TMED3: variants seen among roughly 807,000 people sequenced by gnomAD.
The protein encoded by TMED3 is transmembrane p24 trafficking protein 3.
Under a neutral mutation model 15.0 loss-of-function variants are expected in TMED3, and 9 were observed. That is an observed-to-expected ratio of 0.60 (90% CI 0.36 to 1.04). TMED3 has a LOEUF of 1.04. Ranked by LOEUF, TMED3 falls within the 50% of genes least tolerant of loss-of-function variation. The pLI is 0.01. For synonymous variants in TMED3, 117 were observed against 121.4 expected, an observed-to-expected ratio of 0.96 and a Z score of 0.24; for missense variants, 267 against 278.9, an observed-to-expected ratio of 0.96 and a Z score of 0.30.
intron 2 of TMED3, among the ~76,000 whole-genome samples, chr15:79,335,285 C>A (rs2058823142): frequency 7.6e-6 from 1 of 131,534 alleles, no homozygotes; most frequent in Non-Finnish European, 1.7e-5. Context: ...TATTCCTGGG[C>A]TTCTGGGAAA....
chr15:79,353,849 T>C (rs1168530054), intron 2 of TMED3, among the ~76,000 whole-genome samples: 1 of 152,164 alleles, frequency 6.6e-6, no homozygotes, highest in Non-Finnish European at 1.5e-5. Flanking sequence ...TGTTCCCAGA[T>C]TCACACTTTG....
intron 2 of TMED3, among the ~76,000 whole-genome samples, chr15:79,392,771 T>C (rs1893713153): frequency 6.6e-6 from 1 of 152,214 alleles, no homozygotes; most frequent in Non-Finnish European, 1.5e-5. Flanking sequence ...GGCCTTCAGG[T>C]AACATTTTCT....
chr15:79,367,004 A>G (rs1171449379), intron 2 of TMED3, among the ~76,000 whole-genome samples: 2 of 152,204 alleles, frequency 1.3e-5, no homozygotes, highest in Non-Finnish European at 2.9e-5. Context: ...TGTTTTCAAA[A>G]AGCACAGCAC....
chr15:79,409,875 A>G (rs538751445), intron 2 of TMED3, among the ~76,000 whole-genome samples: 2 of 152,252 alleles, frequency 1.3e-5, no homozygotes, highest in East Asian at 3.9e-4. Context: ...TCTGAGCCCA[A>G]TTTTCCTGAA....
At chr15:79,344,971 T>C (rs965645265) in intron 2 of TMED3, among the ~76,000 whole-genome samples, 3 of 152,022 alleles carry the variant, frequency 2.0e-5, no homozygotes, top group Admixed American at 2.0e-4. Context: ...CAGAGCAGCA[T>C]ATGGGAATTT....
downstream of TMED3, among the ~76,000 whole-genome samples, chr15:79,326,555 A>G (rs1567024398): frequency 6.6e-6 from 1 of 152,200 alleles, no homozygotes; most frequent in Non-Finnish European, 1.5e-5. Context: ...ACCCTGCCCA[A>G]CCTTTGTAAA....
intron 2 of TMED3, among the ~76,000 whole-genome samples, chr15:79,330,497 A>T (rs757238772): frequency 2.6e-5 from 4 of 152,200 alleles, no homozygotes; most frequent in Non-Finnish European, 5.9e-5. Context: ...AAATCTCTAC[A>T]AGGAAAACTG....
chr15:79,315,070 T>C (rs2058735053), intron 2 of TMED3, among the ~76,000 whole-genome samples: 1 of 152,114 alleles, frequency 6.6e-6, no homozygotes, highest in South Asian at 2.1e-4. Context: ...GTCTTGAACT[T>C]TCAAGGAGGC....
intron 2 of TMED3, among the ~76,000 whole-genome samples, chr15:79,392,113 C>A (rs912358294): frequency 6.6e-6 from 1 of 152,156 alleles, no homozygotes; most frequent in Admixed American, 6.5e-5. Flanking sequence ...AGGTACCATT[C>A]CACTCATCAT....
At chr15:79,344,550 C>T (rs2058862330) in intron 2 of TMED3, among the ~76,000 whole-genome samples, 1 of 152,142 alleles carries the variant, frequency 6.6e-6, no homozygotes. Context: ...TCTCTCTTTT[C>T]TCTTATAAGG....
At chr15:79,321,397 A>G (rs1179003977) in intron 2 of TMED3, among the ~76,000 whole-genome samples, 1 of 152,218 alleles carries the variant, frequency 6.6e-6, no homozygotes, top group African/African-American at 2.4e-5. Context: ...GCCTGTTTAT[A>G]TATATGTGTC....
intron 2 of TMED3, among the ~76,000 whole-genome samples, chr15:79,371,692 T>C (rs1468467614): frequency 6.6e-6 from 1 of 152,216 alleles, no homozygotes; most frequent in African/African-American, 2.4e-5. Context: ...GTCTTAGGAC[T>C]AGAGGCATCT....
rs1170844841 is a variant in TMED3, at chr15:79,353,327, A to T, written c.417+39322A>T. ...ATATATTATATATATAATATATATAATATATATTATGTATATAAAATATAT... is the reference window on the plus strand; with the variant it reads ...ATATATTATATATATAATATATATATTATATATTATGTATATAAAATATAT... On this transcript the variant is annotated intron_variant, in intron 2 of 2. Transcript: ENST00000424155. Among the ~76,000 whole-genome samples the T allele has an allele frequency of 1.3e-3, 112 of 83,686 alleles. 4 individuals are homozygous for T. Among genetic ancestry groups the T allele is most frequent in the Non-Finnish European group, 2.3e-3 (106 of 45,768 alleles). The allele number at this position is 83,686 out of a possible 152,430, so 54.9% of individuals were successfully genotyped here.
intron 2 of TMED3, among the ~76,000 whole-genome samples, chr15:79,408,814 G>A (rs1893935137): frequency 6.6e-6 from 1 of 152,190 alleles, no homozygotes; most frequent in Non-Finnish European, 1.5e-5. Context: ...GGGCATAGAA[G>A]TACCACATGA....
chr15:79,360,292 T>G, intron 2 of TMED3, among the ~76,000 whole-genome samples: 1 of 152,148 alleles, frequency 6.6e-6, no homozygotes, highest in Non-Finnish European at 1.5e-5. Context: ...GATGGAATCT[T>G]GAGCCATCTT....
intron 2 of TMED3, among the ~76,000 whole-genome samples, chr15:79,362,244 T>C (rs1307933447): frequency 6.6e-6 from 1 of 151,382 alleles, no homozygotes; most frequent in Non-Finnish European, 1.5e-5. Context: ...GGAGGGAGGA[T>C]TGCTTGAATC....
At chr15:79,327,121 C>G (rs2058790203), downstream of TMED3, among the ~76,000 whole-genome samples, 1 of 152,102 alleles carries the variant, frequency 6.6e-6, no homozygotes, top group Non-Finnish European at 1.5e-5. Context: ...GGGATCTGCC[C>G]CCATGGCCCA....
At chr15:79,331,169 C>G (rs944909441) in intron 2 of TMED3, among the ~76,000 whole-genome samples, 8 of 152,136 alleles carry the variant, frequency 5.3e-5, no homozygotes, top group Non-Finnish European at 1.2e-4. Flanking sequence ...AAATCTGCCC[C>G]CATGATCTAA....
At chr15:79,369,041 C>G (rs936662927) in intron 2 of TMED3, among the ~76,000 whole-genome samples, 2 of 151,276 alleles carry the variant, frequency 1.3e-5, no homozygotes, top group African/African-American at 2.4e-5. Context: ...TTGCAGTGAG[C>G]CGAGATCGCA....
Sources: gnomAD v4.1 joint callset for allele counts (sites outside exome capture counted in the v4.1 genomes callset) on GRCh38, gnomAD v4.1.1 for gene constraint, MANE v1.5 for transcripts, NCBI Gene and HGNC (gene_info 2026-07-23, HGNC 2026-07-21) for gene names.